The following ZNF385D variants were observed in gnomAD, a reference collection of about 807,000 sequenced individuals.
ZNF385D encodes the protein zinc finger protein 385D.
A neutral mutation model predicts 35.8 loss-of-function variants in ZNF385D; 15 were observed. The observed-to-expected ratio is 0.42, with a 90% CI of 0.28 to 0.64. ZNF385D has a LOEUF of 0.64. Among genes scored for constraint, ZNF385D ranks in the 30% least tolerant of loss-of-function variants. The pLI is 0.23. For synonymous variants in ZNF385D, 212 were observed against 186.8 expected (o/e 1.13, Z -1.10); for missense variants, 474 against 494.6 (o/e 0.96, Z 0.39).
At chr3:21,998,473 A>T (rs1011206440) in intron 3 of ZNF385D, among the ~76,000 whole-genome samples, 6 of 152,216 alleles carry the variant, frequency 3.9e-5, no homozygotes, top group Admixed American at 3.3e-4. Flanking sequence ...TCTTTCAATT[A>T]TAAATGTAGA....
intron 2 of ZNF385D, among the ~76,000 whole-genome samples, chr3:22,174,874 T>C (rs1191320743): frequency 6.6e-6 from 1 of 152,080 alleles, no homozygotes; most frequent in Non-Finnish European, 1.5e-5. Context: ...GTGACAGATT[T>C]TGGCCATTTC....
chr3:21,564,788 A>G (rs991655530), intron 2 of ZNF385D, 104 bp from the exon 3 acceptor site: 3 of 507,010 alleles, frequency 5.9e-6, no homozygotes, highest in Non-Finnish European at 1.0e-5. Context: ...GCTTCAATCT[A>G]CTGCTCACAT....
chr3:22,293,994 G>A (rs1262860250), intron 2 of ZNF385D, among the ~76,000 whole-genome samples: 1 of 150,714 alleles, frequency 6.6e-6, no homozygotes, highest in East Asian at 1.9e-4. Context: ...TCCAGGCATG[G>A]TAATTCTATC....
chr3:22,237,763 C>T (rs768708249), intron 2 of ZNF385D, among the ~76,000 whole-genome samples: 27 of 152,086 alleles, frequency 1.8e-4, no homozygotes, highest in Non-Finnish European at 3.8e-4. Context: ...CCTGCCTCAG[C>T]CTCCTGAGAA....
intron 2 of ZNF385D, among the ~76,000 whole-genome samples, chr3:22,351,728 A>C (rs558419099): frequency 6.6e-6 from 1 of 152,192 alleles, no homozygotes; most frequent in Non-Finnish European, 1.5e-5. Flanking sequence ...AGATTAACTC[A>C]TATCTTCAAC....
chr3:21,964,412 T>TAAAAAAAAAAAAAAAAAAAAA (rs60635259), intron 3 of ZNF385D, among the ~76,000 whole-genome samples: 1 of 71,484 alleles, frequency 1.4e-5, no homozygotes, highest in African/African-American at 4.3e-5. Flanking sequence ...GTCCTTTTTG[T>TAAAAAAAAAAAAAAAAAAAAA]AAAAAAAAAA....
chr3:21,993,301 T>C (rs1293157205), intron 3 of ZNF385D, among the ~76,000 whole-genome samples: 1 of 152,214 alleles, frequency 6.6e-6, no homozygotes, highest in Non-Finnish European at 1.5e-5. Flanking sequence ...TTTGGGATGT[T>C]TCCTTGAGTT....
chr3:21,770,057 C>A (rs2071009159), intron 3 of ZNF385D, among the ~76,000 whole-genome samples: 2 of 152,110 alleles, frequency 1.3e-5, no homozygotes, highest in Admixed American at 1.3e-4. Context: ...AAACTGGATC[C>A]CTTCCTTATA....
At chr3:22,357,506 T>C (rs753450577) in intron 2 of ZNF385D, among the ~76,000 whole-genome samples, 9 of 151,912 alleles carry the variant, frequency 5.9e-5, no homozygotes, top group Non-Finnish European at 8.8e-5. Context: ...TACAGTTATG[T>C]CTTTACAGTA....
chr3:21,593,328 A>C (rs895772071), intron 2 of ZNF385D, among the ~76,000 whole-genome samples: 1 of 151,906 alleles, frequency 6.6e-6, no homozygotes, highest in African/African-American at 2.4e-5. Context: ...CTCCCAATCC[A>C]TTGCCTCACT....
chr3:22,057,511 G>A (rs1699465412), intron 3 of ZNF385D, among the ~76,000 whole-genome samples: 1 of 135,586 alleles, frequency 7.4e-6, no homozygotes, highest in African/African-American at 2.7e-5. Context: ...TTCTTTTAAA[G>A]TATTTTTTTT....
At chr3:22,239,386 T>C (rs1393428213) in intron 2 of ZNF385D, among the ~76,000 whole-genome samples, 7 of 151,082 alleles carry the variant, frequency 4.6e-5, no homozygotes, top group Non-Finnish European at 1.0e-4. Context: ...GAAAATTTGC[T>C]AACCCTTGTT....
chr3:22,027,620 G>A (rs1697641089), intron 3 of ZNF385D, among the ~76,000 whole-genome samples: 1 of 152,202 alleles, frequency 6.6e-6, no homozygotes, highest in South Asian at 2.1e-4. Context: ...CATGCCACCT[G>A]AACTGCCTAT....
intron 1 of ZNF385D, among the ~76,000 whole-genome samples, chr3:21,665,524 A>T (rs2066378851): frequency 6.6e-6 from 1 of 152,130 alleles, no homozygotes; most frequent in Admixed American, 6.6e-5. Flanking sequence ...TTAACCTCGA[A>T]CTCAGGCAGC....
At chr3:22,081,290 A>G (rs1428281130) in intron 3 of ZNF385D, among the ~76,000 whole-genome samples, 2 of 152,186 alleles carry the variant, frequency 1.3e-5, no homozygotes, top group Admixed American at 6.5e-5. Context: ...TGGGAGCTAT[A>G]TAGTATAGAA....
chr3:21,905,276 A>T (rs17010045), intron 3 of ZNF385D, among the ~76,000 whole-genome samples: 6,510 of 151,482 alleles, frequency 0.043, 615 homozygotes, highest in Admixed American at 0.21. Context: ...GGAAATGCAC[A>T]AAAACAACTT....
chr3:22,203,646 C>A (rs1337910171), intron 2 of ZNF385D, among the ~76,000 whole-genome samples: 1 of 152,114 alleles, frequency 6.6e-6, no homozygotes, highest in Non-Finnish European at 1.5e-5. Flanking sequence ...TCACCACTAG[C>A]TGACTGAAGA....
chr3:22,223,813 T>C (rs1051272638), intron 2 of ZNF385D, among the ~76,000 whole-genome samples: 1 of 152,190 alleles, frequency 6.6e-6, no homozygotes, highest in African/African-American at 2.4e-5. Context: ...CATGAAATTA[T>C]AAGAGAAGCT....
rs1188287974 is a variant in ZNF385D at position 22,298,063 on chromosome 3, TCTC to T, written c.106+74384_106+74386del. On this transcript the variant is annotated intron_variant, in intron 2 of 5. Coordinates refer to the ZNF385D transcript ENST00000494108. ...AGAGGGAAGAGTATGTTTCAGAACT[TCTC>T]CTGTGTCTCTATTGCTTGATTTATT... is the stretch of plus-strand genomic sequence containing the variant. Among the ~76,000 whole-genome samples the T allele has an allele frequency of 7.2e-5, 11 of 152,120 alleles. No individual in the cohort carries two copies. In the East Asian group the frequency reaches 1.7e-3, roughly 24 times the overall value.
Sources: gnomAD v4.1 joint callset for allele counts (sites outside exome capture counted in the v4.1 genomes callset) on GRCh38, gnomAD v4.1.1 for gene constraint, MANE v1.5 for transcripts, NCBI Gene and HGNC (gene_info 2026-07-23, HGNC 2026-07-21) for gene names.